The following KAZN variants were observed in gnomAD, a reference collection of about 807,000 sequenced individuals.
KAZN encodes the protein kazrin, periplakin interacting protein, also known as kazrin.
Under a neutral mutation model 87.4 loss-of-function variants are expected in KAZN, and 40 were observed. The ratio of observed to expected loss-of-function variants is 0.46; its 90% CI spans 0.36 to 0.60. KAZN has a LOEUF of 0.60. KAZN is among the 20% of genes least tolerant of loss of function. The pLI is 0.00. For synonymous variants in KAZN, 466 were observed against 458.3 expected (o/e 1.02, Z -0.22); for missense variants, 898 against 1,073.9 (o/e 0.84, Z 2.29).
intron 2 of KAZN, among the ~76,000 whole-genome samples, chr1:14,292,502 G>A (rs996919951): frequency 6.6e-6 from 1 of 152,176 alleles, no homozygotes; most frequent in Non-Finnish European, 1.5e-5. Context: ...CCTTGTGGTG[G>A]TAGATGGGGC....
intron 1 of KAZN, among the ~76,000 whole-genome samples, chr1:13,945,945 A>G (rs943918871): frequency 6.6e-6 from 1 of 152,238 alleles, no homozygotes; most frequent in Non-Finnish European, 1.5e-5. Flanking sequence ...CTGAGGAAGC[A>G]CAGTTATGGG....
At chr1:14,669,106 C>T (rs780673770) in intron 1 of KAZN, among the ~76,000 whole-genome samples, 13 of 152,204 alleles carry the variant, frequency 8.5e-5, no homozygotes, top group Non-Finnish European at 1.9e-4. Context: ...ACTGAAGACA[C>T]AGAGTGGGAC....
intron 2 of KAZN, among the ~76,000 whole-genome samples, chr1:14,966,166 G>A (rs1359990316): frequency 6.6e-6 from 1 of 151,938 alleles, no homozygotes. Flanking sequence ...TTTTAGCAGA[G>A]ACAGGATTTC....
chr1:14,848,789 G>A (rs370087934), intron 1 of KAZN, among the ~76,000 whole-genome samples: 145 of 152,342 alleles, frequency 9.5e-4, no homozygotes, highest in African/African-American at 3.4e-3. Flanking sequence ...GGGCCATGAA[G>A]CGGGGACATT....
At chr1:14,327,849 G>GA (rs1656552431) in intron 2 of KAZN, among the ~76,000 whole-genome samples, 1 of 152,102 alleles carries the variant, frequency 6.6e-6, no homozygotes, top group Non-Finnish European at 1.5e-5. Context: ...ACAGACCATG[G>GA]AAAAATAATT....
At chr1:14,352,092 G>A (rs1658592292) in intron 2 of KAZN, among the ~76,000 whole-genome samples, 1 of 152,114 alleles carries the variant, frequency 6.6e-6, no homozygotes. Flanking sequence ...AGTTGAAGCT[G>A]CAACATATTT....
Position 14,099,254 on chromosome 1 carries a change from G to T in KAZN, c.92-81181G>T, listed in dbSNP as rs80283436. ...GGAAACACCTGTGCAGGGACAGGGT[G>T]GGGGAAGAATCAAACTAAAGGAAAT... On this transcript the variant is annotated intron_variant, in intron 1 of 16. Transcript: ENST00000636203. Among the ~76,000 whole-genome samples, 5 of 152,218 alleles carry T rather than the reference G, an allele frequency of 3.3e-5. No homozygotes were observed. In the East Asian group the frequency reaches 5.8e-4, roughly 18 times the overall value.
chr1:14,974,374 C>A (rs1456257594), intron 2 of KAZN, among the ~76,000 whole-genome samples: 2 of 152,076 alleles, frequency 1.3e-5, no homozygotes, highest in African/African-American at 4.8e-5. Context: ...AACAATATAG[C>A]AAAAAGTAAA....
chr1:14,375,606 G>C (rs1314571560), intron 2 of KAZN, among the ~76,000 whole-genome samples: 1 of 152,170 alleles, frequency 6.6e-6, no homozygotes, highest in African/African-American at 2.4e-5. Flanking sequence ...ACACGTGGAG[G>C]CTGGGCACGG....
chr1:15,081,995 T>C lies in KAZN; in HGVS notation c.1223-12185T>C, dbSNP rs1640025728. Among the ~76,000 whole-genome samples, 1 of 152,094 alleles carries C rather than the reference T, an allele frequency of 6.6e-6. No homozygotes were observed. The highest frequency in any genetic ancestry group is 2.4e-5 in the African/African-American group (1 of 41,412). On this transcript the variant is annotated intron_variant, in intron 8 of 14. Coordinates refer to ENST00000376030, the MANE Select transcript of KAZN (RefSeq NM_201628.3). This position sits in a 1 kb window ranked among gnomAD's most constrained non-coding sequence, Gnocchi z 4.1. ...GAAAGAGGGAGGTAGGGTGTTGAGA[T>C]ACAGCTGGAGTGCTCCAGATAGGAG...
intron 1 of KAZN, among the ~76,000 whole-genome samples, chr1:13,921,307 T>C (rs979522264): frequency 1.3e-5 from 2 of 152,244 alleles, no homozygotes; most frequent in Non-Finnish European, 2.9e-5. Context: ...CTAAAGATCC[T>C]GATAGTAAAT....
chr1:14,634,733 G>A (rs1206976338), intron 1 of KAZN, among the ~76,000 whole-genome samples: 1 of 152,180 alleles, frequency 6.6e-6, no homozygotes, highest in East Asian at 1.9e-4. Context: ...AGGGTCAAAA[G>A]GTGCTGACCA....
At chr1:14,461,077 T>C (rs1667826453) in intron 2 of KAZN, among the ~76,000 whole-genome samples, 1 of 152,166 alleles carries the variant, frequency 6.6e-6, no homozygotes, top group East Asian at 1.9e-4. Context: ...TTTTGGAGCC[T>C]TGTGAAATTT....
chr1:14,140,814 C>T (rs1376842200), intron 1 of KAZN, among the ~76,000 whole-genome samples: 1 of 152,036 alleles, frequency 6.6e-6, no homozygotes, highest in African/African-American at 2.4e-5. Flanking sequence ...TGAGTCTGTA[C>T]CTGTCCAGGT....
Position 14,598,902 on chromosome 1 carries a change from A to G in KAZN, c.-96A>G. On this transcript the variant is annotated 5_prime_UTR_variant, in exon 1 of 15. Coordinates refer to ENST00000376030, the MANE Select transcript of KAZN (RefSeq NM_201628.3). The surrounding 1 kb of genome is among the most constrained non-coding windows in gnomAD (Gnocchi z 4.2). ...CGCGGGCGAAGCCGGGCCGCGGAGG[A>G]CACAACAGGTAGAGCCGGGGGTGCC... 1 of 1,526,546 alleles carries G rather than the reference A, an allele frequency of 6.6e-7. No individual in the cohort carries two copies. The allele number at this position is 1,526,546 out of a possible 1,614,324, so 94.6% of individuals were successfully genotyped here.
chr1:14,362,896 A>G (rs1035446247), intron 2 of KAZN, among the ~76,000 whole-genome samples: 6 of 152,118 alleles, frequency 3.9e-5, no homozygotes, highest in Non-Finnish European at 8.8e-5. Context: ...GTGATTTTAC[A>G]TATAGAGAAA....
chr1:14,238,611 C>T (rs1044556521), intron 2 of KAZN, among the ~76,000 whole-genome samples: 2 of 152,268 alleles, frequency 1.3e-5, no homozygotes, highest in Admixed American at 6.5e-5. Context: ...TCTTGGCCAT[C>T]CGGGCTGGAG....
chr1:14,547,735 A>G (rs1263351160), intron 2 of KAZN, among the ~76,000 whole-genome samples: 1 of 152,046 alleles, frequency 6.6e-6, no homozygotes, highest in Non-Finnish European at 1.5e-5. Context: ...GGTGCCCACC[A>G]CCACGCCCTG....
intron 1 of KAZN, among the ~76,000 whole-genome samples, chr1:14,676,853 A>T (rs1001784367): frequency 3.3e-5 from 5 of 152,152 alleles, no homozygotes; most frequent in Non-Finnish European, 7.4e-5. Flanking sequence ...GGGGCTGATG[A>T]AAATGTTCTG....
Sources: allele counts gnomAD v4.1 joint callset (sites outside exome capture counted in the v4.1 genomes callset), GRCh38; gene constraint gnomAD v4.1.1; non-coding constraint Gnocchi (gnomAD v3.1); transcripts MANE v1.5; gene names NCBI Gene and HGNC (gene_info 2026-07-23, HGNC 2026-07-21).